The following SKIC3 variants were observed in gnomAD, a reference collection of about 807,000 sequenced individuals.
SKIC3 encodes SKI3 subunit of superkiller complex.
At chr5:95,539,382 T>G in the SKIC3 span, among the ~76,000 whole-genome samples, 1 of 151,756 alleles carries the variant, frequency 6.6e-6, no homozygotes, top group African/African-American at 2.4e-5. Flanking sequence ...GAAATGCAAA[T>G]CAAAACCACA....
At chr5:95,534,899 A>G in the SKIC3 span, among the ~76,000 whole-genome samples, 1 of 152,194 alleles carries the variant, frequency 6.6e-6, no homozygotes, top group South Asian at 2.1e-4. Flanking sequence ...GGCATTTCTC[A>G]TTAACTGCCC....
the SKIC3 span, chr5:95,513,412 G>A: frequency 4.7e-5 from 35 of 744,158 alleles, no homozygotes; most frequent in East Asian, 9.4e-4. Context: ...TTGCTATATT[G>A]TCCAGGCTGG....
At chr5:95,505,641 G>A in the SKIC3 span, among the ~76,000 whole-genome samples, 8 of 151,860 alleles carry the variant, frequency 5.3e-5, no homozygotes, top group East Asian at 1.9e-4. Context: ...GTGAAACTCC[G>A]TCTCTACTAA....
the SKIC3 span, among the ~76,000 whole-genome samples, chr5:95,496,691 G>A: frequency 2.6e-5 from 4 of 152,174 alleles, no homozygotes; most frequent in Admixed American, 2.6e-4. Flanking sequence ...ACACAATTGG[G>A]TAAACAAAGA....
the SKIC3 span, among the ~76,000 whole-genome samples, chr5:95,490,531 T>C: frequency 6.7e-6 from 1 of 149,376 alleles, no homozygotes; most frequent in Non-Finnish European, 1.5e-5. Context: ...GGAGTCTCGC[T>C]CTGTCACCCA....
chr5:95,499,658 TA>T, the SKIC3 span, among the ~76,000 whole-genome samples: 6 of 152,128 alleles, frequency 3.9e-5, no homozygotes, highest in East Asian at 3.9e-4. Context: ...GTATAAATAA[TA>T]AAAAAAACTC....
chr5:95,515,192 T>C, the SKIC3 span: 1 of 386,636 alleles, frequency 2.6e-6, no homozygotes, highest in Admixed American at 3.8e-5. Flanking sequence ...GCAGAACTTT[T>C]AACCAACCAA....
the SKIC3 span, among the ~76,000 whole-genome samples, chr5:95,466,536 A>C: frequency 6.6e-6 from 1 of 152,228 alleles, no homozygotes. Context: ...AGATCTCTGA[A>C]GATGAGAAAC....
the SKIC3 span, among the ~76,000 whole-genome samples, chr5:95,492,482 A>G: frequency 6.7e-6 from 1 of 148,978 alleles, no homozygotes; most frequent in Non-Finnish European, 1.5e-5. Flanking sequence ...TAAAAATACA[A>G]AAAAATTAGC....
At chr5:95,534,415 A>C in the SKIC3 span, among the ~76,000 whole-genome samples, 1 of 151,894 alleles carries the variant, frequency 6.6e-6, no homozygotes, top group Non-Finnish European at 1.5e-5. Context: ...TGCGGGCTTC[A>C]CTTTCTCATC....
chr5:95,476,705 A>G, the SKIC3 span, among the ~76,000 whole-genome samples: 1 of 152,168 alleles, frequency 6.6e-6, no homozygotes, highest in African/African-American at 2.4e-5. Context: ...TGAAGGTTTC[A>G]CAGGTAGTAA....
At chr5:95,528,958 G>A in the SKIC3 span, 1 of 1,518,254 alleles carries the variant, frequency 6.6e-7, no homozygotes, top group Non-Finnish European at 9.1e-7. Context: ...AACAAATAGG[G>A]TTGGTCACCC....
chr5:95,515,682 T>A, the SKIC3 span, among the ~76,000 whole-genome samples: 1 of 152,126 alleles, frequency 6.6e-6, no homozygotes, highest in African/African-American at 2.4e-5. Context: ...TATTTACAAT[T>A]TTCTAAATCC....
the SKIC3 span, chr5:95,498,676 A>G: frequency 9.5e-6 from 12 of 1,261,680 alleles, no homozygotes; most frequent in Non-Finnish European, 1.3e-5. Context: ...CCCAGGCTGG[A>G]GTGCAGTGGC....
At chr5:95,506,572 A>C in the SKIC3 span, among the ~76,000 whole-genome samples, 139 of 152,294 alleles carry the variant, frequency 9.1e-4, no homozygotes, top group African/African-American at 3.1e-3. Context: ...GTACTGTTTC[A>C]AAGGGGTTAC....
chr5:95,516,507 G>A, the SKIC3 span: 2 of 1,613,032 alleles, frequency 1.2e-6, no homozygotes, highest in Non-Finnish European at 1.7e-6. Context: ...CTTTTTCATA[G>A]ACACATAGAA....
the SKIC3 span, chr5:95,520,868 C>G: frequency 7.6e-7 from 1 of 1,317,570 alleles, no homozygotes. Context: ...AAAATAAACA[C>G]TTAAAATGAA....
At chr5:95,539,522 A>G in the SKIC3 span, among the ~76,000 whole-genome samples, 1 of 152,124 alleles carries the variant, frequency 6.6e-6, no homozygotes, top group South Asian at 2.1e-4. Context: ...TACAACCATT[A>G]TGGAAAACAG....
At chr5:95,469,986 T>TC in the SKIC3 span, 1 of 1,543,182 alleles carries the variant, frequency 6.5e-7, no homozygotes, top group East Asian at 2.4e-5. Context: ...CAATTCTTTT[T>TC]TTTTTTTTGA....
Sources: gnomAD v4.1 joint callset for allele counts (sites outside exome capture counted in the v4.1 genomes callset) on GRCh38, gnomAD v4.1.1 for gene constraint, MANE v1.5 for transcripts, NCBI Gene and HGNC (gene_info 2026-07-23, HGNC 2026-07-21) for gene names.